HMBOX1: variants seen among roughly 807,000 people sequenced by gnomAD.
HMBOX1 encodes the protein homeobox containing 1, also known as homeobox-containing protein 1.
Under a neutral mutation model 54.5 loss-of-function variants are expected in HMBOX1, and 14 were observed. That is an observed-to-expected ratio of 0.26 (90% confidence interval 0.17 to 0.40). The LOEUF (loss-of-function observed/expected upper bound fraction) is 0.40. HMBOX1 is among the 10% of genes least tolerant of loss of function. The pLI is 1.00. For missense variants in HMBOX1, 332 were observed against 514.4 expected (o/e 0.65, Z 3.43); for synonymous variants, 160 against 181.0 (o/e 0.88, Z 0.93).
intron 1 of HMBOX1, among the ~76,000 whole-genome samples, chr8:28,960,796 T>G (rs1430592971): frequency 5.4e-5 from 5 of 92,846 alleles, no homozygotes; most frequent in East Asian, 3.5e-4. Flanking sequence ...TTTTTTTTTT[T>G]TTTTTTTTGG....
intron 3 of HMBOX1, among the ~76,000 whole-genome samples, chr8:28,975,978 T>G (rs567501069): frequency 1.3e-5 from 2 of 152,290 alleles, no homozygotes; most frequent in South Asian, 4.2e-4. Flanking sequence ...TCGGGGGTGA[T>G]GTCAAAGTTT....
chr8:29,047,292 CT>C, intron 7 of HMBOX1, 65 bp from the exon 8 acceptor site: 1 of 947,660 alleles, frequency 1.1e-6, no homozygotes, highest in Non-Finnish European at 1.7e-6. Context: ...AATATTAGCC[CT>C]TAAAACTAGT....
At chr8:28,943,407 T>C (rs187425867) in intron 1 of HMBOX1, among the ~76,000 whole-genome samples, 2 of 152,198 alleles carry the variant, frequency 1.3e-5, no homozygotes, top group Non-Finnish European at 2.9e-5. Flanking sequence ...GAAAACTGAC[T>C]AGGCAGATAA....
Position 28,934,241 on chromosome 8 carries a change from G to A in HMBOX1, c.-57-29570G>A, listed in dbSNP as rs28590308. Among the ~76,000 whole-genome samples the A allele has an allele frequency of 2.0e-3, 311 of 152,256 alleles. 2 individuals carry two copies. The highest frequency in any genetic ancestry group is 7.1e-3 in the African/African-American group (297 of 41,550). On this transcript the variant is annotated intron_variant, in intron 1 of 9. Coordinates refer to ENST00000287701, the MANE Select transcript of HMBOX1 (RefSeq NM_001135726.3). ...AGAAAAACTAATCAGTTCAATAGATGCAGAAAGACATCATTCGTAATGTAA... is the reference window on the plus strand; with the variant it reads ...AGAAAAACTAATCAGTTCAATAGATACAGAAAGACATCATTCGTAATGTAA...
At chr8:28,895,833 A>G (rs1811999218) in intron 1 of HMBOX1, among the ~76,000 whole-genome samples, 1 of 152,082 alleles carries the variant, frequency 6.6e-6, no homozygotes, top group Non-Finnish European at 1.5e-5. Context: ...CTTTCTATTA[A>G]TGTTCTCTTA....
intron 1 of HMBOX1, among the ~76,000 whole-genome samples, chr8:28,905,356 C>G (rs1814106829): frequency 6.8e-6 from 1 of 146,426 alleles, no homozygotes; most frequent in Non-Finnish European, 1.5e-5. Flanking sequence ...CACACGCACG[C>G]ACACACACAC....
At chr8:28,943,488 T>C (rs1462808946) in intron 1 of HMBOX1, among the ~76,000 whole-genome samples, 1 of 152,180 alleles carries the variant, frequency 6.6e-6, no homozygotes, top group Non-Finnish European at 1.5e-5. Flanking sequence ...GATAAGAATG[T>C]CTTCCTTCCT....
chr8:29,001,649 G>T (rs1357996931), intron 4 of HMBOX1, among the ~76,000 whole-genome samples: 1 of 152,178 alleles, frequency 6.6e-6, no homozygotes, highest in Non-Finnish European at 1.5e-5. Flanking sequence ...AAGGGGCATA[G>T]AAATAATCTG....
chr8:28,970,091 A>G lies in HMBOX1; in HGVS notation c.72A>G (p.Ile24Met). Reference sequence around the variant, plus strand: ...ATACAGATGAACCCAGATTTACCATAGAGCAGATAGATCTGCTTCAGCGAC... The same window carrying G: ...ATACAGATGAACCCAGATTTACCATGGAGCAGATAGATCTGCTTCAGCGAC... The part of the protein sequence containing the change: ...SHYTDEPRFT[I>M]EQIDLLQRLR... The change falls in exon 3 of 10, where the codon ATA (isoleucine) becomes ATG (methionine). Residue 24 changes from isoleucine to methionine, a missense_variant. By Grantham distance (10) the Ile-to-Met change is conservative. Coordinates refer to ENST00000287701, the MANE Select transcript of HMBOX1 (RefSeq NM_001135726.3). The surrounding 1 kb of genome is among the most constrained non-coding windows in gnomAD (Gnocchi z 4.3). 1 of 1,613,494 alleles carries G rather than the reference A, an allele frequency of 6.2e-7. No homozygotes were observed.
At chr8:29,047,123 G>A (rs1165418982) in intron 7 of HMBOX1, among the ~76,000 whole-genome samples, 4 of 152,150 alleles carry the variant, frequency 2.6e-5, no homozygotes, top group Admixed American at 1.3e-4. Flanking sequence ...ATGGCTTTCC[G>A]AATTGAAGCA....
At chr8:29,033,904 A>G (rs975820817) in intron 6 of HMBOX1, among the ~76,000 whole-genome samples, 1 of 152,242 alleles carries the variant, frequency 6.6e-6, no homozygotes, top group Non-Finnish European at 1.5e-5. Flanking sequence ...AGGGAGATCA[A>G]CTTATAGACG....
intron 1 of HMBOX1, among the ~76,000 whole-genome samples, chr8:28,928,182 T>A (rs560362688): frequency 2.0e-5 from 3 of 151,386 alleles, no homozygotes; most frequent in South Asian, 4.2e-4. Flanking sequence ...TGTTCTAAAG[T>A]AAAGATGCAG....
chr8:29,024,033 T>G (rs2133074942), intron 6 of HMBOX1, among the ~76,000 whole-genome samples: 1 of 152,288 alleles, frequency 6.6e-6, no homozygotes, highest in East Asian at 1.9e-4. Flanking sequence ...GAGTCACAAG[T>G]TGTTGTATTG....
intron 1 of HMBOX1, among the ~76,000 whole-genome samples, chr8:28,950,938 A>G (rs1823294352): frequency 6.6e-6 from 1 of 152,236 alleles, no homozygotes; most frequent in South Asian, 2.1e-4. Context: ...CTAGGCTATT[A>G]TAGTAAATTC....
chr8:28,913,904 C>G (rs896516043), intron 1 of HMBOX1, among the ~76,000 whole-genome samples: 3 of 139,062 alleles, frequency 2.2e-5, no homozygotes, highest in Non-Finnish European at 4.6e-5. Flanking sequence ...GAGTCTCACT[C>G]TTGTCACCCA....
intron 4 of HMBOX1, among the ~76,000 whole-genome samples, chr8:28,988,694 T>C (rs1830502327): frequency 6.6e-6 from 1 of 152,234 alleles, no homozygotes; most frequent in South Asian, 2.1e-4. Flanking sequence ...ATGTTGAGCA[T>C]CTTTTTATAT....
intron 2 of HMBOX1, among the ~76,000 whole-genome samples, chr8:28,964,715 A>G (rs951061896): frequency 5.3e-5 from 8 of 151,460 alleles, no homozygotes; most frequent in African/African-American, 1.7e-4. Flanking sequence ...GCTTTTCATT[A>G]TAGTTCCCCC....
rs1341565612 is a variant in HMBOX1, at chr8:29,051,442, C to T, written c.*287C>T. 3 of 682,368 alleles carry T rather than the reference C, an allele frequency of 4.4e-6. No homozygotes were observed. Among genetic ancestry groups the T allele is most frequent in the Non-Finnish European group, 8.1e-6 (3 of 369,686 alleles). 42.3% of individuals were successfully genotyped at this position (682,368 alleles called of 1,614,324 possible). ...TCCGTCTTAGCATTCCAAGAAAGTGCTTCCAGGTATTTAGATAGCCCTCAG... is the reference window on the plus strand; with the variant it reads ...TCCGTCTTAGCATTCCAAGAAAGTGTTTCCAGGTATTTAGATAGCCCTCAG... On this transcript the variant is annotated 3_prime_UTR_variant, in exon 10 of 10. Transcript: ENST00000287701.
intron 6 of HMBOX1, among the ~76,000 whole-genome samples, chr8:29,043,957 T>C (rs1332735511): frequency 2.0e-5 from 3 of 152,060 alleles, no homozygotes; most frequent in African/African-American, 7.3e-5. Flanking sequence ...TGGAGGGTGG[T>C]AGTTGACAAG....
Sources: gnomAD v4.1 joint callset for allele counts (sites outside exome capture counted in the v4.1 genomes callset) on GRCh38, gnomAD v4.1.1 for gene constraint, Gnocchi (gnomAD v3.1) non-coding constraint, MANE v1.5 for transcripts, NCBI Gene and HGNC (gene_info 2026-07-23, HGNC 2026-07-21) for gene names.